PDE4D: variants seen among roughly 807,000 people sequenced by gnomAD.
The protein encoded by PDE4D is 3',5'-cyclic-AMP phosphodiesterase 4D.
In PDE4D, 24 loss-of-function variants were observed where a neutral mutation model predicts 87.4. The ratio of observed to expected loss-of-function variants is 0.27; its 90% CI spans 0.20 to 0.39. The LOEUF (loss-of-function observed/expected upper bound fraction) is 0.39, where lower values mean the gene tolerates loss of function less well. Among genes scored for constraint, PDE4D ranks in the 10% least tolerant of loss-of-function variants. The probability of loss-of-function intolerance (pLI) is 1.00; values close to 1 mark genes in which losing one functional copy is unlikely to be tolerated. For synonymous variants in PDE4D, 384 were observed against 383.2 expected (o/e 1.00, Z -0.02); for missense variants, 714 against 1,041.0 (o/e 0.69, Z 4.32).
intron 1 of PDE4D, among the ~76,000 whole-genome samples, chr5:60,470,752 T>G (rs1240092597): frequency 6.6e-6 from 1 of 152,146 alleles, no homozygotes; most frequent in Non-Finnish European, 1.5e-5. Context: ...TTACCGAATT[T>G]TTTAAGCCTT....
At chr5:59,422,196 C>T (rs1990985) in intron 1 of PDE4D, among the ~76,000 whole-genome samples, 1,676 of 152,070 alleles carry the variant, frequency 0.011, 27 homozygotes, top group African/African-American at 0.039. Flanking sequence ...AAGCACTGAC[C>T]ATCTTTTCAA....
chr5:60,167,266 C>CTTTTTTTTTTTT (rs142613050), intron 2 of PDE4D, among the ~76,000 whole-genome samples: 14 of 86,490 alleles, frequency 1.6e-4, no homozygotes, highest in South Asian at 4.4e-4. Flanking sequence ...TGTGTATTTT[C>CTTTTTTTTTTTT]TTTTTTTTTT....
At chr5:59,211,832 C>T (rs139954116) in intron 2 of PDE4D, among the ~76,000 whole-genome samples, 45 of 152,048 alleles carry the variant, frequency 3.0e-4, no homozygotes, top group African/African-American at 8.2e-4. Context: ...GATAAGATGA[C>T]GATATCCTAT....
intron 1 of PDE4D, chr5:59,587,076 C>A (rs1825259850): frequency 1.4e-5 from 10 of 737,876 alleles, no homozygotes; most frequent in Admixed American, 6.3e-5. Flanking sequence ...GACAAGATTA[C>A]CATTAACTAC....
intron 1 of PDE4D, among the ~76,000 whole-genome samples, chr5:59,254,581 G>C (rs949052979): frequency 6.6e-6 from 1 of 151,844 alleles, no homozygotes; most frequent in Non-Finnish European, 1.5e-5. Context: ...GACCAACATT[G>C]GTCAGAGGAG....
At chr5:59,957,431 G>T (rs1030233808) in intron 3 of PDE4D, among the ~76,000 whole-genome samples, 1 of 151,744 alleles carries the variant, frequency 6.6e-6, no homozygotes, top group Non-Finnish European at 1.5e-5. Context: ...GCACGTATGT[G>T]TATGTTTAGT....
intron 1 of PDE4D, among the ~76,000 whole-genome samples, chr5:60,480,386 G>A (rs541423591): frequency 7.9e-5 from 12 of 152,096 alleles, no homozygotes; most frequent in Middle Eastern, 3.4e-3. Flanking sequence ...TACGTAAAAT[G>A]TAAAGCATTT....
chr5:60,248,078 G>A (rs1366320063), intron 1 of PDE4D, among the ~76,000 whole-genome samples: 1 of 152,024 alleles, frequency 6.6e-6, no homozygotes, highest in African/African-American at 2.4e-5. Context: ...ATGACAGGTG[G>A]TGCTACGTGC....
intron 1 of PDE4D, among the ~76,000 whole-genome samples, chr5:59,522,932 C>T (rs1263718895): frequency 6.6e-6 from 1 of 152,154 alleles, no homozygotes; most frequent in African/African-American, 2.4e-5. Flanking sequence ...TGAAAAGGAA[C>T]ATCTTGTATT....
chr5:58,988,957 TTTTC>T (rs1460817881), intron 10 of PDE4D, among the ~76,000 whole-genome samples: 1 of 152,198 alleles, frequency 6.6e-6, no homozygotes, highest in Non-Finnish European at 1.5e-5. Flanking sequence ...TTAGCAATTA[TTTTC>T]TTTCATCGAA....
At chr5:60,265,946 G>A (rs1387921384) in intron 1 of PDE4D, among the ~76,000 whole-genome samples, 3 of 152,122 alleles carry the variant, frequency 2.0e-5, no homozygotes, top group Non-Finnish European at 4.4e-5. Flanking sequence ...ACAAGAACAG[G>A]ACAGAAGCTA....
intron 1 of PDE4D, among the ~76,000 whole-genome samples, chr5:59,660,749 C>T (rs1426467585): frequency 6.6e-6 from 1 of 152,002 alleles, no homozygotes; most frequent in African/African-American, 2.4e-5. Context: ...ATCAACAAGG[C>T]TAAGTAAAAT....
At chr5:60,221,636 C>A (rs1744507882) in intron 1 of PDE4D, among the ~76,000 whole-genome samples, 1 of 152,126 alleles carries the variant, frequency 6.6e-6, no homozygotes, top group African/African-American at 2.4e-5. Flanking sequence ...CTGTGAGAAG[C>A]AATGACACAT....
At chr5:60,297,852 C>T (rs1474176396) in intron 1 of PDE4D, among the ~76,000 whole-genome samples, 1 of 152,058 alleles carries the variant, frequency 6.6e-6, no homozygotes, top group Non-Finnish European at 1.5e-5. Context: ...TTAGCACAGC[C>T]AAAGAAGAAA....
intron 1 of PDE4D, among the ~76,000 whole-genome samples, chr5:59,234,815 AAATTT>A (rs1756023177): frequency 6.6e-6 from 1 of 152,202 alleles, no homozygotes; most frequent in Non-Finnish European, 1.5e-5. Flanking sequence ...CTGACCTTTG[AAATTT>A]AATTTGACCA....
intron 1 of PDE4D, among the ~76,000 whole-genome samples, chr5:59,501,612 GA>G (rs998061519): frequency 6.6e-6 from 1 of 152,050 alleles, no homozygotes; most frequent in Non-Finnish European, 1.5e-5. Context: ...TTTCCAGACA[GA>G]AAAAACCCAG....
At chr5:59,142,975 A>G (rs185484293) in intron 5 of PDE4D, among the ~76,000 whole-genome samples, 222 of 152,322 alleles carry the variant, frequency 1.5e-3, no homozygotes, top group African/African-American at 5.1e-3. Context: ...ACTGAAAAAT[A>G]TGTTCTAAAA....
At chr5:59,520,214 G>A (rs1811945143) in intron 1 of PDE4D, among the ~76,000 whole-genome samples, 1 of 152,166 alleles carries the variant, frequency 6.6e-6, no homozygotes, top group African/African-American at 2.4e-5. Flanking sequence ...GGTGAGCCAA[G>A]ATCACACCAC....
chr5:60,389,541 C>A (rs558576569), intron 1 of PDE4D, among the ~76,000 whole-genome samples: 1 of 152,224 alleles, frequency 6.6e-6, no homozygotes, highest in East Asian at 1.9e-4. Context: ...CTGAAAGTAA[C>A]AACAGTGATT....
Sources: allele counts gnomAD v4.1 joint callset (sites outside exome capture counted in the v4.1 genomes callset), GRCh38; gene constraint gnomAD v4.1.1; transcripts MANE v1.5; gene names NCBI Gene and HGNC (gene_info 2026-07-23, HGNC 2026-07-21).